Variants in NAALADL2 observed in about 807,000 individuals in gnomAD.
NAALADL2 encodes N-acetylated alpha-linked acidic dipeptidase like 2.
Under a neutral mutation model 87.2 loss-of-function variants are expected in NAALADL2, and 76 were observed. That is an observed-to-expected ratio of 0.87 (90% confidence interval 0.72 to 1.05). The LOEUF is 1.05. Ranked by LOEUF, NAALADL2 falls within the 50% of genes least tolerant of loss-of-function variation. NAALADL2 has a pLI of 0.00. For synonymous variants in NAALADL2, 354 were observed against 331.0 expected (o/e 1.07, Z -0.75); for missense variants, 1,089 against 945.8 (o/e 1.15, Z -1.99).
At chr3:175,412,891 T>TTTATTATTATTATTA (rs58135076) in intron 5 of NAALADL2, among the ~76,000 whole-genome samples, 13,353 of 122,782 alleles carry the variant, frequency 0.11, 892 homozygotes, top group Admixed American at 0.15. Flanking sequence ...ATTTAATTTA[T>TTTATTATTATTATTA]TTATTATTAT....
At chr3:175,304,492 C>T (rs1292200936) in intron 4 of NAALADL2, among the ~76,000 whole-genome samples, 1 of 152,228 alleles carries the variant, frequency 6.6e-6, no homozygotes, top group South Asian at 2.1e-4. Flanking sequence ...ATGACACATG[C>T]CTGTACTCAT....
chr3:174,870,082 T>G (rs1006785879), intron 1 of NAALADL2, among the ~76,000 whole-genome samples: 7 of 150,932 alleles, frequency 4.6e-5, no homozygotes, highest in African/African-American at 1.5e-4. Context: ...TGTGGGTGTG[T>G]GTGTGTATGA....
chr3:175,342,930 G>A (rs1405451555), intron 5 of NAALADL2, among the ~76,000 whole-genome samples: 8 of 152,084 alleles, frequency 5.3e-5, no homozygotes, highest in Admixed American at 1.3e-4. Flanking sequence ...TACATGTGTC[G>A]CTTTAGTGTA....
chr3:174,844,150 G>A (rs535563638), intron 3 of NAALADL2, among the ~76,000 whole-genome samples: 1 of 152,152 alleles, frequency 6.6e-6, no homozygotes, highest in African/African-American at 2.4e-5. Context: ...ATAGTTTCAG[G>A]TCTTACATGT....
At chr3:175,509,076 A>T (rs1404382849) in intron 9 of NAALADL2, among the ~76,000 whole-genome samples, 7 of 151,746 alleles carry the variant, frequency 4.6e-5, no homozygotes. Flanking sequence ...AGATTGCACC[A>T]TTGCATTCCA....
intron 3 of NAALADL2, among the ~76,000 whole-genome samples, chr3:174,744,592 A>G (rs1465906649): frequency 6.6e-6 from 1 of 152,148 alleles, no homozygotes; most frequent in East Asian, 1.9e-4. Context: ...CTCTGGATCA[A>G]GTGGACCTGA....
At chr3:175,390,618 TTTG>T (rs1401268265) in intron 5 of NAALADL2, among the ~76,000 whole-genome samples, 1 of 152,116 alleles carries the variant, frequency 6.6e-6, no homozygotes, top group Non-Finnish European at 1.5e-5. Flanking sequence ...ATAAGGGTTT[TTTG>T]TTGTTGTGGT....
chr3:175,360,873 ATTTT>A (rs927370900), intron 5 of NAALADL2, among the ~76,000 whole-genome samples: 1 of 123,750 alleles, frequency 8.1e-6, no homozygotes, highest in African/African-American at 3.0e-5. Flanking sequence ...TTTTTTTTTA[ATTTT>A]TTTTATTATC....
intron 1 of NAALADL2, among the ~76,000 whole-genome samples, chr3:175,070,554 C>T (rs1366060227): frequency 1.3e-5 from 2 of 152,022 alleles, no homozygotes; most frequent in Non-Finnish European, 2.9e-5. Context: ...ATTATAATTA[C>T]TAAAGTGTAG....
intron 2 of NAALADL2, among the ~76,000 whole-genome samples, chr3:175,206,081 C>T (rs1740793569): frequency 1.3e-5 from 2 of 151,562 alleles, no homozygotes; most frequent in Admixed American, 6.6e-5. Context: ...TTTGATACAG[C>T]AATCCCACTA....
chr3:174,465,426 A>G (rs571061808), intron 1 of NAALADL2, among the ~76,000 whole-genome samples: 1 of 152,314 alleles, frequency 6.6e-6, no homozygotes, highest in African/African-American at 2.4e-5. Flanking sequence ...ATGAATTTCA[A>G]CATCTTTTCT....
At position 174,753,865 on chromosome 3, in the gene NAALADL2, G is replaced by A. The variant is rs562171364; in HGVS notation, c.-9+16119G>A. 1.6e-3 allele frequency among the ~76,000 whole-genome samples: 244 copies of A among 152,242 alleles called. 1 individual carries two copies. The highest frequency in any genetic ancestry group is 3.7e-3 in the South Asian group (18 of 4,816). On this transcript the variant is annotated intron_variant, in intron 3 of 3. Transcript: ENST00000434257. ...GGTTAAGATGAGGTCATGAGGGTGG[G>A]GCCCTCATAATGGGATTAGTGTCCT...
intron 5 of NAALADL2, among the ~76,000 whole-genome samples, chr3:175,406,683 A>C (rs905014958): frequency 6.6e-6 from 1 of 152,134 alleles, no homozygotes; most frequent in Admixed American, 6.6e-5. Context: ...TCCATTTTCT[A>C]TCCTGTATAT....
intron 5 of NAALADL2, among the ~76,000 whole-genome samples, chr3:175,442,786 C>A (rs1232582712): frequency 1.3e-5 from 2 of 152,086 alleles, no homozygotes; most frequent in African/African-American, 4.8e-5. Context: ...AAGTTGGTCC[C>A]CCTCAGTCTT....
chr3:174,745,010 C>T (rs1043590939), intron 3 of NAALADL2, among the ~76,000 whole-genome samples: 2 of 151,734 alleles, frequency 1.3e-5, no homozygotes, highest in African/African-American at 2.4e-5. Flanking sequence ...GATCTCAAAT[C>T]GCCATCCTAA....
At chr3:175,325,377 C>A (rs550411572) in intron 5 of NAALADL2, among the ~76,000 whole-genome samples, 2 of 152,234 alleles carry the variant, frequency 1.3e-5, no homozygotes, top group African/African-American at 2.4e-5. Flanking sequence ...TGTAAATTTT[C>A]TCTGGGATCT....
intron 3 of NAALADL2, among the ~76,000 whole-genome samples, chr3:174,756,875 T>C (rs1295323843): frequency 1.3e-5 from 2 of 152,192 alleles, no homozygotes; most frequent in African/African-American, 4.8e-5. Flanking sequence ...CAACCATCCA[T>C]ATTTGAAAAA....
At chr3:174,813,697 A>G (rs2109304539) in intron 3 of NAALADL2, among the ~76,000 whole-genome samples, 1 of 152,220 alleles carries the variant, frequency 6.6e-6, no homozygotes, top group East Asian at 1.9e-4. Context: ...TATGTTGCCC[A>G]GGCTGAAGTA....
rs548956159 is a variant in NAALADL2, at chr3:175,154,252, A to G, written c.545+56961A>G. On this transcript the variant is annotated intron_variant, in intron 2 of 13. Transcript: ENST00000454872. ...GAAAAAAATTCCATGAAAACCATAT[A>G]TCATTTCTGTTGCATTATCCTACTG... Among the ~76,000 whole-genome samples, 34 of 152,280 alleles carry G rather than the reference A, an allele frequency of 2.2e-4. No homozygotes were observed. In the South Asian group the frequency reaches 6.4e-3, roughly 29 times the overall value.
Sources: allele counts gnomAD v4.1 joint callset (sites outside exome capture counted in the v4.1 genomes callset), GRCh38; gene constraint gnomAD v4.1.1; transcripts MANE v1.5; gene names NCBI Gene and HGNC (gene_info 2026-07-23, HGNC 2026-07-21).